KIF5C: variants seen among roughly 807,000 people sequenced by gnomAD.
KIF5C encodes kinesin heavy chain isoform 5C.
Under a neutral mutation model 125.2 loss-of-function variants are expected in KIF5C, and 18 were observed. The ratio of observed to expected loss-of-function variants is 0.14; its 90% CI spans 0.10 to 0.21. The LOEUF (loss-of-function observed/expected upper bound fraction) is 0.21, where lower values mean the gene tolerates loss of function less well. Among genes scored for constraint, KIF5C ranks in the 10% least tolerant of loss-of-function variants. The pLI is 1.00. For missense variants in KIF5C, 780 were observed against 1,183.8 expected, an observed-to-expected ratio of 0.66 and a Z score of 5.01; for synonymous variants, 405 against 434.0, an observed-to-expected ratio of 0.93 and a Z score of 0.83.
intron 3 of KIF5C, 39 bp from the exon 4 acceptor site, chr2:148,937,245 C>A: frequency 6.4e-7 from 1 of 1,553,982 alleles, no homozygotes; most frequent in Non-Finnish European, 8.7e-7. Flanking sequence ...TGTCTCCCAG[C>A]ATGCTTTAAC....
chr2:148,966,630 A>G (rs895532228), intron 11 of KIF5C, among the ~76,000 whole-genome samples: 37 of 152,188 alleles, frequency 2.4e-4, no homozygotes, highest in African/African-American at 8.7e-4. Context: ...ACCTGTACCA[A>G]TTTTCAACCC....
At chr2:148,934,956 C>T (rs1682262172) in intron 3 of KIF5C, 1 of 284,754 alleles carries the variant, frequency 3.5e-6, no homozygotes, top group African/African-American at 2.3e-5. Flanking sequence ...CACACACCTG[C>T]AGATTGTTTC....
chr2:148,889,081 C>T (rs905344557), intron 1 of KIF5C, among the ~76,000 whole-genome samples: 1 of 152,166 alleles, frequency 6.6e-6, no homozygotes, highest in Admixed American at 6.5e-5. Flanking sequence ...TCTCCAGAAG[C>T]CAATTTCCTG....
intron 3 of KIF5C, among the ~76,000 whole-genome samples, chr2:148,936,328 G>A (rs1682290887): frequency 6.6e-6 from 1 of 152,190 alleles, no homozygotes; most frequent in Non-Finnish European, 1.5e-5. Flanking sequence ...ATCTCTGGAT[G>A]TGTTGTTGGC....
chr2:148,932,105 A>C (rs1461166010), intron 3 of KIF5C, among the ~76,000 whole-genome samples: 1 of 152,184 alleles, frequency 6.6e-6, no homozygotes, highest in East Asian at 1.9e-4. Flanking sequence ...AGTCATAGAT[A>C]CTGCGAGAGA....
intron 3 of KIF5C, among the ~76,000 whole-genome samples, chr2:148,931,807 G>A (rs1189994746): frequency 6.6e-6 from 1 of 152,212 alleles, no homozygotes; most frequent in Non-Finnish European, 1.5e-5. Context: ...AGGACTCATG[G>A]GGGACCTGAA....
Position 148,876,803 on chromosome 2 carries a change from G to C in KIF5C, c.126+1060G>C, listed in dbSNP as rs1336959940. On this transcript the variant is annotated intron_variant, in intron 1 of 25. Coordinates refer to ENST00000435030, the MANE Select transcript of KIF5C (RefSeq NM_004522.3). This position sits in a 1 kb window ranked among gnomAD's most constrained non-coding sequence, Gnocchi z 4.7. ...GGTGCCCCCTTTGTATGCGAGCCGC[G>C]TGGGGAGGGACCGAGTTAATGGGAG... Among the ~76,000 whole-genome samples, 2 of 152,166 alleles carry C rather than the reference G, an allele frequency of 1.3e-5. No individual in the cohort carries two copies. Among genetic ancestry groups the C allele is most frequent in the East Asian group, 3.9e-4 (2 of 5,180 alleles).
intron 25 of KIF5C, among the ~76,000 whole-genome samples, chr2:149,012,747 C>T (rs114778145): frequency 9.6e-4 from 146 of 152,326 alleles, no homozygotes; most frequent in African/African-American, 3.1e-3. Flanking sequence ...AGGCAGCCCG[C>T]GGGCGGGCAG....
chr2:148,969,760 A>G (rs1290276233), intron 11 of KIF5C, among the ~76,000 whole-genome samples: 1 of 152,174 alleles, frequency 6.6e-6, no homozygotes, highest in Non-Finnish European at 1.5e-5. Flanking sequence ...TGCAGGGAAT[A>G]TTCTCCATTA....
At position 148,964,222 on chromosome 2, in the gene KIF5C, C is replaced by T. The variant is rs542384954; in HGVS notation, c.1117+2103C>T. Among the ~76,000 whole-genome samples, 5 of 151,714 alleles carry T rather than the reference C, an allele frequency of 3.3e-5. No individual in the cohort carries two copies. In the South Asian group the frequency reaches 1.0e-3, roughly 32 times the overall value. ...CCCTGGAGGCGGAGGTTGCAGTGAG[C>T]CGAGAACCCACCATTGTACTCCAGC... On this transcript the variant is annotated intron_variant, in intron 11 of 25. Coordinates refer to ENST00000435030, the MANE Select transcript of KIF5C (RefSeq NM_004522.3).
chr2:148,936,600 C>A (rs1320157280), intron 3 of KIF5C, among the ~76,000 whole-genome samples: 1 of 152,172 alleles, frequency 6.6e-6, no homozygotes, highest in Non-Finnish European at 1.5e-5. Flanking sequence ...ATTTACCTAT[C>A]CCTATCCCCA....
intron 7 of KIF5C, among the ~76,000 whole-genome samples, chr2:148,944,271 T>C (rs1327870858): frequency 1.3e-5 from 2 of 152,218 alleles, no homozygotes; most frequent in African/African-American, 4.8e-5. Flanking sequence ...CTTCCATCTC[T>C]AGAACTTTAT....
rs868412176 is a variant in KIF5C, at chr2:148,929,300, C to T, written c.237C>T (p.Asn79=). The T allele has an allele frequency of 2.7e-5, 41 of 1,535,294 alleles. No homozygotes were observed. The highest frequency in any genetic ancestry group is 9.6e-5 in the African/African-American group (7 of 72,992). The change falls in exon 3 of 26, where the codon AAC becomes AAT. Residue 79 remains asparagine, a synonymous_variant. Coordinates refer to ENST00000435030, the MANE Select transcript of KIF5C (RefSeq NM_004522.3). ...QIVKDVLEGY[N]GTIFAYGQTS... The stretch of plus-strand genomic sequence containing the variant: ...TCACAGATGTCCTTGAAGGTTATAA[C>T]GGGACGATTTTTGCGTATGGGCAGA...
At chr2:148,902,417 A>G (rs1680942797) in intron 1 of KIF5C, among the ~76,000 whole-genome samples, 2 of 152,146 alleles carry the variant, frequency 1.3e-5, no homozygotes, top group Admixed American at 1.3e-4. Context: ...CCCAGGTTCA[A>G]GTGATTCTCC....
chr2:149,003,147 C>T (rs1389673824), intron 21 of KIF5C, among the ~76,000 whole-genome samples: 2 of 152,186 alleles, frequency 1.3e-5, no homozygotes, highest in Non-Finnish European at 2.9e-5. Context: ...CAGTGTATGC[C>T]GTTTTAGACT....
rs926744068 is a variant in KIF5C, at chr2:148,986,535, G to C, written c.1716+2769G>C. On this transcript the variant is annotated intron_variant, in intron 15 of 25. Coordinates refer to ENST00000435030, the MANE Select transcript of KIF5C (RefSeq NM_004522.3). Reference sequence around the variant, plus strand: ...TCGGCTCAGAAATTACTTGACTTCTGCACATTTGTTTTAGATTTATCCTTA... The same window carrying C: ...TCGGCTCAGAAATTACTTGACTTCTCCACATTTGTTTTAGATTTATCCTTA... 7.9e-5 allele frequency among the ~76,000 whole-genome samples: 12 copies of C among 152,198 alleles called. No homozygotes were observed. The East Asian group carries it at 2.1e-3, about 27-fold the overall frequency.
chr2:148,922,765 C>G (rs1681839618), intron 2 of KIF5C, among the ~76,000 whole-genome samples: 1 of 152,192 alleles, frequency 6.6e-6, no homozygotes, highest in Non-Finnish European at 1.5e-5. Context: ...ATTCAGCATT[C>G]CTTAATTATG....
At chr2:148,920,490 A>G (rs1681742001) in intron 1 of KIF5C, among the ~76,000 whole-genome samples, 1 of 152,220 alleles carries the variant, frequency 6.6e-6, no homozygotes, top group African/African-American at 2.4e-5. Flanking sequence ...CTTACTGCAA[A>G]CAAAACATCA....
rs911976079 is a variant in KIF5C, at chr2:148,982,602, C to A, written c.1570-1018C>A. Among the ~76,000 whole-genome samples the A allele has an allele frequency of 4.6e-5, 7 of 152,198 alleles. 1 individual carries two copies. The South Asian group carries it at 6.2e-4, about 14-fold the overall frequency. On this transcript the variant is annotated intron_variant, in intron 14 of 25. Transcript: ENST00000435030. ...CTTCCCAAGATGGGGACTACTGCCT[C>A]TGAGGATTTTAAAAACAAGATGACA...
Sources: gnomAD v4.1 joint callset for allele counts (sites outside exome capture counted in the v4.1 genomes callset) on GRCh38, gnomAD v4.1.1 for gene constraint, Gnocchi (gnomAD v3.1) non-coding constraint, MANE v1.5 for transcripts, NCBI Gene and HGNC (gene_info 2026-07-23, HGNC 2026-07-21) for gene names.